OXR1: variants seen among roughly 807,000 people sequenced by gnomAD.
OXR1 encodes the protein oxidation resistance protein 1.
Under a neutral mutation model 104.6 loss-of-function variants are expected in OXR1, and 41 were observed. The observed-to-expected ratio is 0.39, with a 90% CI of 0.31 to 0.51. The LOEUF is 0.51. Ranked by LOEUF, OXR1 falls within the 20% of genes least tolerant of loss-of-function variation. The pLI, the probability that OXR1 is intolerant of heterozygous loss-of-function variation, is 0.77. For synonymous variants in OXR1, 348 were observed against 348.4 expected (o/e 1.00, Z 0.01); for missense variants, 955 against 1,031.9 (o/e 0.93, Z 1.02).
At chr8:106,341,924 G>A (rs1202171582) in intron 1 of OXR1, among the ~76,000 whole-genome samples, 1 of 150,574 alleles carries the variant, frequency 6.6e-6, no homozygotes, top group African/African-American at 2.4e-5. Flanking sequence ...TTACCAGGCT[G>A]GAGTTTAGTG....
At chr8:106,376,805 C>T (rs933711170) in intron 2 of OXR1, among the ~76,000 whole-genome samples, 9 of 152,258 alleles carry the variant, frequency 5.9e-5, no homozygotes, top group Middle Eastern at 3.4e-3. Context: ...CCATGTATCC[C>T]GTCAACAGAA....
chr8:106,643,481 A>T (rs776577626), intron 3 of OXR1, among the ~76,000 whole-genome samples: 5 of 151,964 alleles, frequency 3.3e-5, no homozygotes, highest in African/African-American at 4.8e-5. Context: ...GGCCTAATAC[A>T]TACATCATGT....
intron 3 of OXR1, among the ~76,000 whole-genome samples, chr8:106,632,736 T>G (rs1457969762): frequency 6.6e-6 from 1 of 152,164 alleles, no homozygotes; most frequent in Admixed American, 6.5e-5. Context: ...ATATTGCATA[T>G]TCCAGCATGG....
At chr8:106,280,628 G>A (rs1812241500) in intron 1 of OXR1, among the ~76,000 whole-genome samples, 1 of 152,110 alleles carries the variant, frequency 6.6e-6, no homozygotes, top group Non-Finnish European at 1.5e-5. Context: ...CAGTCTGAAA[G>A]GTGAAAAGAC....
chr8:106,492,869 A>G (rs1169975308), intron 2 of OXR1, among the ~76,000 whole-genome samples: 2 of 152,148 alleles, frequency 1.3e-5, no homozygotes, highest in Admixed American at 6.5e-5. Context: ...AGAATCCTAA[A>G]TAGGAGGGTC....
chr8:106,314,797 C>A (rs1813858091), intron 1 of OXR1, among the ~76,000 whole-genome samples: 1 of 152,110 alleles, frequency 6.6e-6, no homozygotes, highest in Non-Finnish European at 1.5e-5. Flanking sequence ...TTAGCCTTAT[C>A]AGAGAACAAG....
chr8:106,514,890 A>G (rs1812761997), intron 2 of OXR1, among the ~76,000 whole-genome samples: 1 of 152,294 alleles, frequency 6.6e-6, no homozygotes, highest in South Asian at 2.1e-4. Flanking sequence ...GGCTTTTTGT[A>G]TAATTTCACA....
chr8:106,623,181 A>T (rs1239711920), intron 3 of OXR1, among the ~76,000 whole-genome samples: 1 of 152,196 alleles, frequency 6.6e-6, no homozygotes, highest in Non-Finnish European at 1.5e-5. Context: ...GGTTCCATCC[A>T]GTTAAATGGA....
intron 16 of OXR1, among the ~76,000 whole-genome samples, chr8:106,747,483 T>G (rs1045827865): frequency 1.3e-5 from 2 of 152,212 alleles, no homozygotes; most frequent in Admixed American, 1.3e-4. Context: ...TATAAGACAT[T>G]AATTAAAGAT....
chr8:106,739,633 G>A (rs909694977), intron 13 of OXR1, 50 bp downstream of exon 13: 3 of 1,582,396 alleles, frequency 1.9e-6, no homozygotes, highest in South Asian at 1.1e-5. Flanking sequence ...GTGTACCCAT[G>A]AGAGTAAAAC....
chr8:106,400,274 C>T (rs1014594228), intron 2 of OXR1, among the ~76,000 whole-genome samples: 1 of 152,074 alleles, frequency 6.6e-6, no homozygotes, highest in Admixed American at 6.6e-5. Context: ...CTGCAACATC[C>T]TTAAGTCAGG....
At chr8:106,575,724 G>T (rs1021160747) in intron 3 of OXR1, among the ~76,000 whole-genome samples, 30 of 150,122 alleles carry the variant, frequency 2.0e-4, no homozygotes, top group Admixed American at 2.0e-4. Flanking sequence ...AGAGAAAGGG[G>T]CTTGAATTAC....
chr8:106,747,364 A>G (rs1033713940), intron 16 of OXR1, among the ~76,000 whole-genome samples: 1 of 152,254 alleles, frequency 6.6e-6, no homozygotes, highest in Non-Finnish European at 1.5e-5. Flanking sequence ...AACAACTGAT[A>G]GCCACCTAAA....
chr8:106,695,219 T>A (rs1829889292), intron 7 of OXR1, among the ~76,000 whole-genome samples: 1 of 151,382 alleles, frequency 6.6e-6, no homozygotes, highest in South Asian at 2.1e-4. Context: ...TTTATCCACT[T>A]ACTTATTCCC....
chr8:106,727,062 A>G (rs1004616432), intron 11 of OXR1, among the ~76,000 whole-genome samples: 3 of 152,244 alleles, frequency 2.0e-5, no homozygotes, highest in Admixed American at 2.0e-4. Flanking sequence ...TTAAAATTTT[A>G]ATAGGTGTTA....
intron 9 of OXR1, among the ~76,000 whole-genome samples, chr8:106,707,970 T>C (rs1831305812): frequency 6.6e-6 from 1 of 152,202 alleles, no homozygotes; most frequent in South Asian, 2.1e-4. Context: ...AACGTAAATA[T>C]ATTATTTGAA....
At chr8:106,351,547 C>T (rs565194689) in intron 1 of OXR1, among the ~76,000 whole-genome samples, 32 of 151,972 alleles carry the variant, frequency 2.1e-4, no homozygotes, top group Non-Finnish European at 3.7e-4. Context: ...CAGATGCATT[C>T]GGGAAAATGC....
At chr8:106,486,548 T>A (rs564147563) in intron 2 of OXR1, among the ~76,000 whole-genome samples, 2 of 152,262 alleles carry the variant, frequency 1.3e-5, no homozygotes, top group South Asian at 4.2e-4. Context: ...ATACTGGTCG[T>A]TTTGTGAATT....
chr8:106,340,420 C>A (rs1470590313), intron 1 of OXR1, among the ~76,000 whole-genome samples: 1 of 152,108 alleles, frequency 6.6e-6, no homozygotes, highest in Non-Finnish European at 1.5e-5. Context: ...TCCATAAATA[C>A]TTCAGAAGAA....
Sources: allele counts gnomAD v4.1 joint callset (sites outside exome capture counted in the v4.1 genomes callset), GRCh38; gene constraint gnomAD v4.1.1; transcripts MANE v1.5; gene names NCBI Gene and HGNC (gene_info 2026-07-23, HGNC 2026-07-21).